SYTL2: variants seen among roughly 807,000 people sequenced by gnomAD.
SYTL2 encodes the protein synaptotagmin-like protein 2.
SYTL2 carries 165 observed loss-of-function variants against 198.7 expected under a neutral mutation model. The observed-to-expected ratio is 0.83, with a 90% CI of 0.73 to 0.94. The LOEUF (loss-of-function observed/expected upper bound fraction) is 0.94. Among genes scored for constraint, SYTL2 ranks in the 40% least tolerant of loss-of-function variants. The pLI is 0.00. For synonymous variants in SYTL2, 966 were observed against 917.7 expected (o/e 1.05, Z -0.95); for missense variants, 2,835 against 2,582.8 (o/e 1.10, Z -2.12).
chr11:85,711,338 G>A lies in SYTL2; in HGVS notation c.5626-106C>T, dbSNP rs545334233. 3.8e-5 allele frequency: 47 copies of A among 1,248,574 alleles called. 1 individual carries two copies. Among genetic ancestry groups the A allele is most frequent in the South Asian group, 3.6e-4 (25 of 70,264 alleles). 77.3% of individuals were successfully genotyped at this position (1,248,574 alleles called of 1,614,324 possible). A position where few individuals can be genotyped will look rare whatever the true frequency, so the allele number is the denominator to read the frequency against. On this transcript the variant is annotated intron_variant, in intron 12 of 19. Coordinates refer to ENST00000359152, the MANE Select transcript of SYTL2 (RefSeq NM_206927.4). Reference sequence around the variant, plus strand: ...ATTTTGGTATTCCACTGACATTTACGCAAGGTCAAAGGATGCTAGTGCTAA... The same window carrying A: ...ATTTTGGTATTCCACTGACATTTACACAAGGTCAAAGGATGCTAGTGCTAA...
intron 12 of SYTL2, among the ~76,000 whole-genome samples, chr11:85,713,973 T>C (rs1449998570): frequency 1.3e-5 from 2 of 152,174 alleles, no homozygotes; most frequent in East Asian, 1.9e-4. Flanking sequence ...TTAAATGATA[T>C]ATGTAAAGTG....
chr11:85,727,645 AT>A lies in SYTL2; in HGVS notation c.1712del (p.Asn571MetfsTer13). 6.5e-7 allele frequency: 1 copy of A among 1,536,542 alleles called. No individual in the cohort carries two copies. Among genetic ancestry groups the A allele is most frequent in the East Asian group, 2.4e-5 (1 of 40,904 alleles). On this transcript the variant is annotated frameshift_variant, in exon 8 of 20. Transcript: ENST00000359152. LOFTEE classifies it high-confidence loss of function. ...LVTDDTTLRE[N>X]GSKTLSPSKI... ...TGCTGGGTGATAGGGTCTTTGAGCC[AT>A]TTTCTCTTAAAGTAGTGTCATCTGT...
chr11:85,737,357 T>C (rs1053279121), intron 5 of SYTL2, among the ~76,000 whole-genome samples: 2 of 152,196 alleles, frequency 1.3e-5, no homozygotes, highest in African/African-American at 4.8e-5. Flanking sequence ...GCAAGAAATC[T>C]GGGTCTTCAG....
rs377109375 is a variant in SYTL2 at position 85,704,952 on chromosome 11, T to C, written c.6095A>G (p.Asn2032Ser). The C allele has an allele frequency of 9.3e-6, 15 of 1,613,856 alleles. No individual in the cohort carries two copies. The highest frequency in any genetic ancestry group is 1.7e-5 in the Admixed American group (1 of 60,020). Residue 2032 changes from asparagine (N) to serine (S), a missense_variant, in exon 16 of 20, where the codon AAT (asparagine) becomes AGT (serine). Physicochemically the swap from Asn to Ser is conservative, Grantham distance 46. This residue lies in a region of SYTL2 where 2,645 missense variants were observed against 2,381.7 expected (regional missense o/e 1.11). Transcript: ENST00000359152. ...AAGTTCCACCTCCCCTAGGAAACTATTGCGCTTAAATGTATCCCGATGCCA... is the reference window on the plus strand; with the variant it reads ...AAGTTCCACCTCCCCTAGGAAACTACTGCGCTTAAATGTATCCCGATGCCA... ...SIWHRDTFKR[N>S]SFLGEVELDL...
the SYTL2 span, among the ~76,000 whole-genome samples, chr11:85,833,148 AAGGAAG>A: frequency 1.5e-4 from 18 of 116,174 alleles, 1 homozygote; most frequent in East Asian, 1.9e-3. Context: ...GGAAGGAAGG[AAGGAAG>A]GAAAGAAAGA....
chr11:85,771,989 G>A (rs865865243), intron 1 of SYTL2, among the ~76,000 whole-genome samples: 3 of 152,026 alleles, frequency 2.0e-5, no homozygotes, highest in Admixed American at 6.6e-5. Flanking sequence ...TGCAAACTCC[G>A]CCTCCTGGGC....
chr11:85,719,701 C>A (rs1341891991), intron 9 of SYTL2, among the ~76,000 whole-genome samples: 1 of 151,998 alleles, frequency 6.6e-6, no homozygotes, highest in African/African-American at 2.4e-5. Context: ...TTTTAAGATC[C>A]CTTCTAACCC....
At chr11:85,750,790 T>C (rs1431526380) in intron 2 of SYTL2, among the ~76,000 whole-genome samples, 1 of 150,664 alleles carries the variant, frequency 6.6e-6, no homozygotes, top group Non-Finnish European at 1.5e-5. Context: ...TCACAATGAA[T>C]GGTGTCTCCT....
chr11:85,820,582 T>C, the SYTL2 span, among the ~76,000 whole-genome samples: 1 of 152,246 alleles, frequency 6.6e-6, no homozygotes, highest in Admixed American at 6.5e-5. Flanking sequence ...TCTGCACTTC[T>C]GTAAGCCTTC....
chr11:85,748,569 A>G, intron 2 of SYTL2, 146 bp from the exon 3 acceptor site: 1 of 871,546 alleles, frequency 1.1e-6, no homozygotes, highest in African/African-American at 1.7e-5. Context: ...CCAGATGACT[A>G]ACAAGTGTAT....
chr11:85,739,341 G>A (rs972057034), intron 4 of SYTL2, among the ~76,000 whole-genome samples: 4 of 146,884 alleles, frequency 2.7e-5, no homozygotes, highest in African/African-American at 5.1e-5. Context: ...GTCTGTTTCC[G>A]CTATTCGGAA....
intron 14 of SYTL2, 152 bp from the exon 15 acceptor site, chr11:85,707,683 T>C (rs891663024): frequency 9.8e-6 from 6 of 610,504 alleles, no homozygotes; most frequent in Non-Finnish European, 1.7e-5. Flanking sequence ...ACCAATACCT[T>C]TATACTTAAA....
intron 6 of SYTL2, among the ~76,000 whole-genome samples, chr11:85,735,688 C>T (rs765947309): frequency 6.6e-6 from 1 of 151,460 alleles, no homozygotes; most frequent in Non-Finnish European, 1.5e-5. Flanking sequence ...ACCCGGGAGG[C>T]GAAGGGTGCA....
At chr11:85,747,338 G>A (rs1290751928) in intron 3 of SYTL2, among the ~76,000 whole-genome samples, 3 of 151,756 alleles carry the variant, frequency 2.0e-5, no homozygotes, top group East Asian at 1.9e-4. Flanking sequence ...TAAGGAATAC[G>A]CACTATCATA....
intron 1 of SYTL2, among the ~76,000 whole-genome samples, chr11:85,810,492 C>T (rs898908407): frequency 6.6e-6 from 1 of 152,118 alleles, no homozygotes; most frequent in Non-Finnish European, 1.5e-5. Flanking sequence ...AATTCCAAAA[C>T]ACGTCTTATT....
rs771948938 is a variant in SYTL2 at position 85,725,110 on chromosome 11, C to G, written c.4248G>C (p.Val1416=). 2.4e-5 allele frequency: 39 copies of G among 1,614,144 alleles called. No homozygotes were observed. The highest frequency in any genetic ancestry group is 3.1e-5 in the Non-Finnish European group (37 of 1,179,988). ...TGTCCATCGTAGCCCATGGTGATAT[C>G]ACTCCTGGAGGATTTAGGGGGCTAC... is the stretch of plus-strand genomic sequence containing the variant. The part of the protein sequence containing the change: ...PVCSPLNPPG[V]ISPWATMDTI... The change falls in exon 8 of 20, where the codon GTG becomes GTC. Residue 1416 remains valine, a synonymous_variant. Coordinates refer to ENST00000359152, the MANE Select transcript of SYTL2 (RefSeq NM_206927.4).
At chr11:85,820,537 A>G in the SYTL2 span, among the ~76,000 whole-genome samples, 1 of 152,234 alleles carries the variant, frequency 6.6e-6, no homozygotes, top group South Asian at 2.1e-4. Flanking sequence ...AGGCTCTACC[A>G]CAGACATTCT....
At chr11:85,781,817 T>C (rs900345178) in intron 1 of SYTL2, among the ~76,000 whole-genome samples, 2 of 152,156 alleles carry the variant, frequency 1.3e-5, no homozygotes, top group African/African-American at 4.8e-5. Flanking sequence ...ATGCAAAAGG[T>C]TGGCTCCCAC....
chr11:85,764,746 T>C (rs1406905835), intron 1 of SYTL2, among the ~76,000 whole-genome samples: 1 of 152,120 alleles, frequency 6.6e-6, no homozygotes, highest in East Asian at 1.9e-4. Flanking sequence ...GGTTTATGGA[T>C]AGACATGGAA....
Sources: gnomAD v4.1 joint callset for allele counts (sites outside exome capture counted in the v4.1 genomes callset) on GRCh38, gnomAD v4.1.1 for gene constraint, gnomAD v4.1.1 regional missense constraint, MANE v1.5 for transcripts, NCBI Gene and HGNC (gene_info 2026-07-23, HGNC 2026-07-21) for gene names.